The following LRMDA variants were observed in gnomAD, a reference collection of about 807,000 sequenced individuals.
LRMDA encodes leucine-rich melanocyte differentiation-associated protein.
LRMDA carries 18 observed loss-of-function variants against 29.8 expected under a neutral mutation model. That is an observed-to-expected ratio of 0.60 (90% CI 0.42 to 0.90). The LOEUF (loss-of-function observed/expected upper bound fraction) is 0.90, where lower values mean the gene tolerates loss of function less well. Among genes scored for constraint, LRMDA ranks in the 40% least tolerant of loss-of-function variants. The pLI is 0.00. For synonymous variants in LRMDA, 125 were observed against 109.4 expected, an observed-to-expected ratio of 1.14 and a Z score of -0.89; for missense variants, 273 against 273.9, an observed-to-expected ratio of 1.00 and a Z score of 0.02.
chr10:75,451,902 G>A (rs1425658577), intron 2 of LRMDA, among the ~76,000 whole-genome samples: 1 of 151,198 alleles, frequency 6.6e-6, no homozygotes, highest in South Asian at 2.1e-4. Flanking sequence ...CATTTTTTTG[G>A]TGTGTGTGTA....
chr10:76,148,219 G>C (rs1006515803), intron 5 of LRMDA, among the ~76,000 whole-genome samples: 8 of 152,304 alleles, frequency 5.3e-5, no homozygotes, highest in Non-Finnish European at 1.0e-4. Flanking sequence ...AGCTGTCAGA[G>C]AGGGACATTT....
chr10:75,755,034 G>GT (rs1356442570), intron 2 of LRMDA, among the ~76,000 whole-genome samples: 1 of 149,550 alleles, frequency 6.7e-6, no homozygotes, highest in Non-Finnish European at 1.5e-5. Context: ...TCATGGAAAA[G>GT]TTTTTTGGTT....
At chr10:75,587,350 TG>T (rs1454824657) in intron 2 of LRMDA, among the ~76,000 whole-genome samples, 9 of 152,176 alleles carry the variant, frequency 5.9e-5, no homozygotes, top group Non-Finnish European at 1.3e-4. Context: ...TTTTTGTTTT[TG>T]TTTTTTTTCT....
intron 2 of LRMDA, among the ~76,000 whole-genome samples, chr10:75,502,797 A>G (rs572457097): frequency 6.6e-6 from 1 of 152,126 alleles, no homozygotes; most frequent in Non-Finnish European, 1.5e-5. Context: ...CAGGTTTGTT[A>G]TATAGGTAAA....
At chr10:75,804,709 C>T (rs534242203) in intron 2 of LRMDA, among the ~76,000 whole-genome samples, 1 of 152,212 alleles carries the variant, frequency 6.6e-6, no homozygotes, top group African/African-American at 2.4e-5. Context: ...TTGTTGCAGA[C>T]AGGGGCTGTT....
At chr10:76,068,606 C>T (rs190705753) in intron 5 of LRMDA, among the ~76,000 whole-genome samples, 11 of 152,336 alleles carry the variant, frequency 7.2e-5, no homozygotes, top group East Asian at 3.9e-4. Context: ...CAGTAATGCT[C>T]GCTCACCAGC....
At chr10:75,884,245 T>TTGTGTGTGTGTGTGTGTGTG (rs57507869) in intron 2 of LRMDA, among the ~76,000 whole-genome samples, 2 of 109,508 alleles carry the variant, frequency 1.8e-5, no homozygotes, top group Admixed American at 9.3e-5. Flanking sequence ...GCAGGCGACT[T>TTGTGTGTGTGTGTGTGTGTG]TGTGTGTGTG....
chr10:75,667,560 C>T (rs1841838916), intron 2 of LRMDA, among the ~76,000 whole-genome samples: 1 of 152,194 alleles, frequency 6.6e-6, no homozygotes, highest in Non-Finnish European at 1.5e-5. Flanking sequence ...CTTGGCCTCC[C>T]AAAGTGCTGG....
chr10:76,225,613 C>T (rs986445965), intron 5 of LRMDA, among the ~76,000 whole-genome samples: 8 of 151,922 alleles, frequency 5.3e-5, no homozygotes, highest in Non-Finnish European at 7.4e-5. Flanking sequence ...TCTTCTCTCT[C>T]CATGTGATCT....
intron 2 of LRMDA, among the ~76,000 whole-genome samples, chr10:75,831,303 T>C (rs1386312926): frequency 1.3e-5 from 2 of 152,152 alleles, no homozygotes; most frequent in Non-Finnish European, 1.5e-5. Flanking sequence ...CATCTTGGTC[T>C]CCCAAAGTGC....
intron 5 of LRMDA, among the ~76,000 whole-genome samples, chr10:76,069,805 ACAGCC>A (rs2132067227): frequency 6.6e-6 from 1 of 152,086 alleles, no homozygotes; most frequent in East Asian, 1.9e-4. Context: ...CCCCCATTCC[ACAGCC>A]TTTACTTTTG....
At chr10:75,467,772 C>G (rs2132042873) in intron 2 of LRMDA, among the ~76,000 whole-genome samples, 1 of 152,136 alleles carries the variant, frequency 6.6e-6, no homozygotes, top group African/African-American at 2.4e-5. Flanking sequence ...ACCATCCTGG[C>G]CAACATGGTG....
At chr10:76,403,058 G>A (rs945917338) in intron 6 of LRMDA, among the ~76,000 whole-genome samples, 42 of 151,710 alleles carry the variant, frequency 2.8e-4, no homozygotes, top group African/African-American at 7.5e-4. Flanking sequence ...TATTTGTTCT[G>A]CATGTTGCCC....
At chr10:75,863,181 A>T (rs1014752646) in intron 2 of LRMDA, among the ~76,000 whole-genome samples, 1 of 152,030 alleles carries the variant, frequency 6.6e-6, no homozygotes, top group Non-Finnish European at 1.5e-5. Flanking sequence ...ACATACTTTT[A>T]TGGCTGGTTG....
chr10:75,570,148 C>T (rs1206852534), intron 2 of LRMDA, among the ~76,000 whole-genome samples: 1 of 152,172 alleles, frequency 6.6e-6, no homozygotes, highest in Non-Finnish European at 1.5e-5. Flanking sequence ...CTTAGAGATA[C>T]ATGACGTTAG....
intron 2 of LRMDA, among the ~76,000 whole-genome samples, chr10:75,463,133 C>A (rs181094227): frequency 2.6e-5 from 4 of 152,114 alleles, no homozygotes; most frequent in African/African-American, 9.7e-5. Context: ...TGCTTCAGCC[C>A]GAGCTGGAGA....
chr10:75,446,330 T>C (rs1844395311), intron 2 of LRMDA, among the ~76,000 whole-genome samples: 1 of 152,182 alleles, frequency 6.6e-6, no homozygotes, highest in Admixed American at 6.5e-5. Flanking sequence ...TTACCTGGCA[T>C]ATAATGGGTC....
At chr10:75,983,993 C>T (rs971709290) in intron 2 of LRMDA, among the ~76,000 whole-genome samples, 3 of 152,096 alleles carry the variant, frequency 2.0e-5, no homozygotes, top group African/African-American at 7.2e-5. Context: ...TCCTTTCCTC[C>T]TCACAATGCT....
intron 2 of LRMDA, among the ~76,000 whole-genome samples, chr10:75,485,718 C>T (rs928679566): frequency 6.6e-6 from 1 of 152,188 alleles, no homozygotes; most frequent in Non-Finnish European, 1.5e-5. Flanking sequence ...GCTGGGATTA[C>T]AGGCATGTGC....
Sources: gnomAD v4.1 joint callset for allele counts (sites outside exome capture counted in the v4.1 genomes callset) on GRCh38, gnomAD v4.1.1 for gene constraint, MANE v1.5 for transcripts, NCBI Gene and HGNC (gene_info 2026-07-23, HGNC 2026-07-21) for gene names.